PPM1H: variants seen among roughly 807,000 people sequenced by gnomAD.
PPM1H encodes the protein protein phosphatase 1H.
PPM1H carries 27 observed loss-of-function variants against 54.9 expected under a neutral mutation model. The ratio of observed to expected loss-of-function variants is 0.49; its 90% CI spans 0.36 to 0.68. PPM1H has a LOEUF of 0.68. Among genes scored for constraint, PPM1H ranks in the 30% least tolerant of loss-of-function variants. The probability of loss-of-function intolerance (pLI) is 0.00; values close to 1 mark genes in which losing one functional copy is unlikely to be tolerated. For synonymous variants in PPM1H, 305 were observed against 270.8 expected (o/e 1.13, Z -1.24); for missense variants, 596 against 667.8 (o/e 0.89, Z 1.19).
At chr12:62,858,079 C>T (rs1869457570) in intron 1 of PPM1H, among the ~76,000 whole-genome samples, 1 of 151,682 alleles carries the variant, frequency 6.6e-6, no homozygotes, top group African/African-American at 2.4e-5. Context: ...ACCACCACCA[C>T]CCCATCACCC....
Position 62,669,451 on chromosome 12 carries a change from C to T in PPM1H, c.1246-2122G>A, listed in dbSNP as rs1592533607. On this transcript the variant is annotated intron_variant, in intron 8 of 9. Coordinates refer to ENST00000228705, the MANE Select transcript of PPM1H (RefSeq NM_020700.2). ...TGGTTCAACTTCCTCCCAGGTGATGCCAATGCTGCAGGTTCACAGACCGGG... is the reference window on the plus strand; with the variant it reads ...TGGTTCAACTTCCTCCCAGGTGATGTCAATGCTGCAGGTTCACAGACCGGG... 2.6e-5 allele frequency among the ~76,000 whole-genome samples: 4 copies of T among 152,268 alleles called. No homozygotes were observed. In the South Asian group the frequency reaches 8.3e-4, roughly 32 times the overall value.
chr12:62,720,138 G>A (rs973790678), intron 6 of PPM1H, 33 bp downstream of exon 6: 1 of 1,511,640 alleles, frequency 6.6e-7, no homozygotes, highest in Non-Finnish European at 9.2e-7. Context: ...CACACACTGT[G>A]TGGTTCCGAG....
Position 62,832,936 on chromosome 12 carries a change from G to T in PPM1H, c.246-657C>A, listed in dbSNP as rs80204150. Among the ~76,000 whole-genome samples, 741 of 152,122 alleles carry T rather than the reference G, an allele frequency of 4.9e-3. 6 individuals carry two copies. The highest frequency in any genetic ancestry group is 0.017 in the African/African-American group (714 of 41,492). On this transcript the variant is annotated intron_variant, in intron 1 of 9. Transcript: ENST00000228705. ...GGACACCAAGACACATAATAATAAG[G>T]CATGTTGACACTGCTTTGCTCGAAT... is the stretch of plus-strand genomic sequence containing the variant.
chr12:62,781,371 G>A (rs1385572648), intron 4 of PPM1H, among the ~76,000 whole-genome samples: 2 of 152,198 alleles, frequency 1.3e-5, no homozygotes, highest in Admixed American at 6.5e-5. Flanking sequence ...GAGTGGAAGG[G>A]GAGACACGGG....
At position 62,648,206 on chromosome 12, in the gene PPM1H, C is replaced by CAAAT. The variant is rs2075797073; in HGVS notation, c.*279_*282dup. The CAAAT allele has an allele frequency of 1.2e-5, 4 of 335,732 alleles. No homozygotes were observed. Among genetic ancestry groups the CAAAT allele is most frequent in the Admixed American group, 3.9e-5 (1 of 25,896 alleles). 20.8% of individuals were successfully genotyped at this position (335,732 alleles called of 1,614,324 possible). A position where few individuals can be genotyped will look rare whatever the true frequency, so the allele number is the denominator to read the frequency against. ...TAAAATAAATATGACATATATACCCCAAATAGTCAATGGCCACCTCGGAGG... is the reference window on the plus strand; with the variant it reads ...TAAAATAAATATGACATATATACCCCAAATAAATAGTCAATGGCCACCTCGGAGG... On this transcript the variant is annotated 3_prime_UTR_variant, in exon 10 of 10. Coordinates refer to ENST00000228705, the MANE Select transcript of PPM1H (RefSeq NM_020700.2).
At chr12:62,671,915 T>C (rs2136617526) in intron 8 of PPM1H, among the ~76,000 whole-genome samples, 1 of 152,322 alleles carries the variant, frequency 6.6e-6, no homozygotes, top group Middle Eastern at 3.4e-3. Context: ...TAATATAAGA[T>C]TTACCTATAT....
intron 9 of PPM1H, among the ~76,000 whole-genome samples, chr12:62,650,958 G>C (rs540300978): frequency 6.6e-6 from 1 of 152,238 alleles, no homozygotes; most frequent in South Asian, 2.1e-4. Flanking sequence ...TTGTATATGA[G>C]ACATAAACAC....
chr12:62,752,278 A>T (rs1457883708), intron 4 of PPM1H, among the ~76,000 whole-genome samples: 1 of 152,242 alleles, frequency 6.6e-6, no homozygotes, highest in African/African-American at 2.4e-5. Context: ...GAGTCAGTAG[A>T]ATAGTAATTT....
chr12:62,909,874 A>G (rs1407484988), intron 1 of PPM1H, among the ~76,000 whole-genome samples: 1 of 152,228 alleles, frequency 6.6e-6, no homozygotes. Flanking sequence ...TTATTAAAGC[A>G]AGTCAGTAGT....
Position 62,906,397 on chromosome 12 carries a change from G to A in PPM1H, c.245+28095C>T, listed in dbSNP as rs142655810. On this transcript the variant is annotated intron_variant, in intron 1 of 9. Transcript: ENST00000228705. ...TTTGTGTGCTGTTTCCAGTGTCAGG[G>A]GGCTCAAAAGAATCAACATTGCAGT... is the stretch of plus-strand genomic sequence containing the variant. Among the ~76,000 whole-genome samples, 10 of 152,214 alleles carry A rather than the reference G, an allele frequency of 6.6e-5. No individual in the cohort carries two copies. The East Asian group carries it at 1.9e-3, about 29-fold the overall frequency.
chr12:62,755,994 T>A, intron 4 of PPM1H: 2 of 1,344,806 alleles, frequency 1.5e-6, no homozygotes, highest in South Asian at 1.2e-5. Context: ...CCAAATATGA[T>A]GACATCAAGA....
intron 6 of PPM1H, among the ~76,000 whole-genome samples, chr12:62,707,731 T>C (rs943949709): frequency 6.6e-6 from 1 of 152,244 alleles, no homozygotes; most frequent in African/African-American, 2.4e-5. Flanking sequence ...TATGGCCCTG[T>C]CCTGACACTA....
In PPM1H at chr12:62,667,279, C is replaced by A; in HGVS notation, c.1296G>T (p.Leu432=). Residue 432 remains leucine (L), a synonymous_variant, in exon 9 of 10, where the codon CTG becomes CTT. Coordinates refer to ENST00000228705, the MANE Select transcript of PPM1H (RefSeq NM_020700.2). ...SKYDHGSDDV[L]ILATDGLWDV... is the part of the protein sequence containing the mutation. ...CCCAGAGTCCATCAGTGGCCAAGAT[C>A]AGCACATCATCTGATCCATGATCAT... 6.2e-7 allele frequency: 1 copy of A among 1,607,710 alleles called. No homozygotes were observed. The highest frequency in any genetic ancestry group is 8.5e-7 in the Non-Finnish European group (1 of 1,174,762).
chr12:62,733,654 T>C (rs1258865852), intron 5 of PPM1H, among the ~76,000 whole-genome samples: 1 of 152,232 alleles, frequency 6.6e-6, no homozygotes, highest in African/African-American at 2.4e-5. Flanking sequence ...ATGAATATTC[T>C]AACTCAGGGT....
intron 4 of PPM1H, among the ~76,000 whole-genome samples, chr12:62,766,388 T>C (rs1565782428): frequency 6.6e-6 from 1 of 151,742 alleles, no homozygotes; most frequent in Non-Finnish European, 1.5e-5. Context: ...ATGTGGAAAA[T>C]AAAACTAGAA....
rs1198794545 is a variant in PPM1H, at chr12:62,669,001, G to T, written c.1246-1672C>A. Among the ~76,000 whole-genome samples the T allele has an allele frequency of 5.9e-5, 9 of 152,234 alleles. No homozygotes were observed. The East Asian group carries it at 1.7e-3, about 29-fold the overall frequency. The stretch of plus-strand genomic sequence containing the variant: ...AGCCACCAGGCGCCAGGCCTTTGTG[G>T]CCTGTGAACAAGAAGGTAACAATTA... On this transcript the variant is annotated intron_variant, in intron 8 of 9. Coordinates refer to ENST00000228705, the MANE Select transcript of PPM1H (RefSeq NM_020700.2).
At chr12:62,797,400 T>C (rs901942602) in intron 3 of PPM1H, among the ~76,000 whole-genome samples, 4 of 152,156 alleles carry the variant, frequency 2.6e-5, no homozygotes, top group African/African-American at 4.8e-5. Context: ...TTACTTAATA[T>C]TGAATTTCCT....
intron 4 of PPM1H, among the ~76,000 whole-genome samples, chr12:62,754,544 C>T (rs2076459427): frequency 6.6e-6 from 1 of 152,120 alleles, no homozygotes. Context: ...TACTCTAGCC[C>T]AGGTGAGAGA....
At chr12:62,889,529 T>C (rs1392945358) in intron 1 of PPM1H, among the ~76,000 whole-genome samples, 1 of 151,994 alleles carries the variant, frequency 6.6e-6, no homozygotes, top group African/African-American at 2.4e-5. Flanking sequence ...AAATATAATG[T>C]AAAGTTACAT....
Sources: allele counts gnomAD v4.1 joint callset (sites outside exome capture counted in the v4.1 genomes callset), GRCh38; gene constraint gnomAD v4.1.1; transcripts MANE v1.5; gene names NCBI Gene and HGNC (gene_info 2026-07-23, HGNC 2026-07-21).